Variants in SERGEF observed in about 807,000 individuals in gnomAD.
SERGEF encodes the protein secretion-regulating guanine nucleotide exchange factor.
In SERGEF, 51 loss-of-function variants were observed where a neutral mutation model predicts 50.0. That is an observed-to-expected ratio of 1.02 (90% CI 0.81 to 1.29). The LOEUF is 1.29. Among genes scored for constraint, SERGEF ranks in the 50% most tolerant of loss-of-function variants. The pLI, the probability that SERGEF is intolerant of heterozygous loss-of-function variation, is 0.00. For missense variants in SERGEF, 521 were observed against 557.0 expected, an observed-to-expected ratio of 0.94 and a Z score of 0.65; for synonymous variants, 205 against 212.4, an observed-to-expected ratio of 0.97 and a Z score of 0.30.
chr11:17,806,927 AG>A, intron 10 of SERGEF, among the ~76,000 whole-genome samples: 1 of 152,162 alleles, frequency 6.6e-6, no homozygotes, highest in Non-Finnish European at 1.5e-5. Context: ...CCCCTGAGCC[AG>A]GACTTTGTTC....
At chr11:17,810,118 G>A (rs1195448581) in intron 10 of SERGEF, among the ~76,000 whole-genome samples, 1 of 152,174 alleles carries the variant, frequency 6.6e-6, no homozygotes, top group Non-Finnish European at 1.5e-5. Context: ...CCCATTTAGG[G>A]AGAATGCCCT....
chr11:17,916,717 A>C (rs76751030), intron 9 of SERGEF, among the ~76,000 whole-genome samples: 1,734 of 152,356 alleles, frequency 0.011, 32 homozygotes, highest in African/African-American at 0.04. Flanking sequence ...ATAATTAATA[A>C]GACATTCCAA....
At chr11:17,824,039 T>C (rs1028478550) in intron 10 of SERGEF, among the ~76,000 whole-genome samples, 11 of 152,140 alleles carry the variant, frequency 7.2e-5, no homozygotes, top group South Asian at 4.1e-4. Context: ...CGGTGGCTCA[T>C]GCCTGTAATC....
intron 10 of SERGEF, among the ~76,000 whole-genome samples, chr11:17,807,683 C>G (rs1330554461): frequency 6.6e-6 from 1 of 152,216 alleles, no homozygotes; most frequent in Admixed American, 6.5e-5. Context: ...ACTGATTACC[C>G]TAATTCCACG....
rs562239256 is a variant in SERGEF at position 17,801,210 on chromosome 11, A to G, written c.1049-12797T>C. 9.7e-4 allele frequency among the ~76,000 whole-genome samples: 143 copies of G among 147,542 alleles called. 1 individual carries two copies. The highest frequency in any genetic ancestry group is 3.0e-3 in the Admixed American group (44 of 14,718). The stretch of plus-strand genomic sequence containing the variant: ...ACTCCGTCTCAAAAAAAAAAAAAAG[A>G]AAGAAAAAAAAATTCAAGGGGAAGC... On this transcript the variant is annotated intron_variant, in intron 10 of 10. Transcript: ENST00000265965.
At chr11:17,820,379 A>G (rs1242809710) in intron 10 of SERGEF, among the ~76,000 whole-genome samples, 3 of 152,034 alleles carry the variant, frequency 2.0e-5, no homozygotes, top group Admixed American at 2.0e-4. Context: ...AACCCCCTCA[A>G]CTGGACACTT....
intron 10 of SERGEF, among the ~76,000 whole-genome samples, chr11:17,794,434 C>T (rs914873356): frequency 2.0e-4 from 31 of 152,158 alleles, no homozygotes; most frequent in Non-Finnish European, 1.2e-4. Flanking sequence ...GGTACTACTA[C>T]GTCCATTTTA....
chr11:17,868,874 C>T (rs902882556), intron 10 of SERGEF, among the ~76,000 whole-genome samples: 1 of 152,144 alleles, frequency 6.6e-6, no homozygotes, highest in African/African-American at 2.4e-5. Flanking sequence ...ATCATGAGAA[C>T]AGCATGAGAA....
chr11:17,980,939 G>A (rs1853484106), intron 8 of SERGEF, among the ~76,000 whole-genome samples: 1 of 152,184 alleles, frequency 6.6e-6, no homozygotes, highest in Non-Finnish European at 1.5e-5. Context: ...TTGGCCAGAT[G>A]GAAGAAAGGG....
intron 10 of SERGEF, 53 bp from the exon 11 acceptor site, chr11:17,788,466 A>C: frequency 6.9e-7 from 1 of 1,457,222 alleles, no homozygotes; most frequent in Non-Finnish European, 9.4e-7. Context: ...AATAGGGCTG[A>C]AACATTCACC....
At chr11:17,837,708 G>A (rs1590146424) in intron 10 of SERGEF, among the ~76,000 whole-genome samples, 1 of 150,000 alleles carries the variant, frequency 6.7e-6, no homozygotes, top group East Asian at 2.0e-4. Context: ...GCCCAAGCTG[G>A]AGTACAGTGT....
chr11:17,788,502 C>A, intron 10 of SERGEF, 89 bp from the exon 11 acceptor site: 2 of 1,109,812 alleles, frequency 1.8e-6, no homozygotes, highest in Non-Finnish European at 2.5e-6. Context: ...TCATCATAAA[C>A]CCCAGTTCAC....
intron 9 of SERGEF, among the ~76,000 whole-genome samples, chr11:17,908,713 C>G (rs1300130025): frequency 6.6e-6 from 1 of 152,168 alleles, no homozygotes; most frequent in Non-Finnish European, 1.5e-5. Flanking sequence ...GAAACCAAGC[C>G]TACCTGATAG....
At chr11:17,880,607 C>CT (rs1486964362) in intron 9 of SERGEF, among the ~76,000 whole-genome samples, 1 of 151,688 alleles carries the variant, frequency 6.6e-6, no homozygotes, top group Admixed American at 6.6e-5. Flanking sequence ...TTTTCTTTTT[C>CT]TTTTTTTCTA....
At chr11:17,900,157 A>G (rs1327834069) in intron 9 of SERGEF, among the ~76,000 whole-genome samples, 1 of 152,180 alleles carries the variant, frequency 6.6e-6, no homozygotes, top group Non-Finnish European at 1.5e-5. Flanking sequence ...CTAATAGTGC[A>G]GGGTCTAGAA....
intron 10 of SERGEF, chr11:17,874,139 GT>G: frequency 6.6e-6 from 1 of 152,554 alleles, no homozygotes; most frequent in South Asian, 2.1e-4. Flanking sequence ...AAGGAAGAGA[GT>G]GAATCAGTGA....
intron 10 of SERGEF, among the ~76,000 whole-genome samples, chr11:17,859,054 C>G (rs1325096425): frequency 6.6e-6 from 1 of 152,106 alleles, no homozygotes; most frequent in Non-Finnish European, 1.5e-5. Context: ...GGCCATCCTC[C>G]CTAGGGATAT....
chr11:17,994,226 G>A (rs1853782221), intron 6 of SERGEF, among the ~76,000 whole-genome samples: 1 of 152,144 alleles, frequency 6.6e-6, no homozygotes, highest in East Asian at 1.9e-4. Flanking sequence ...GCTAGGTCTA[G>A]CACTTTGGGA....
At chr11:17,909,120 GT>G (rs1851903960) in intron 9 of SERGEF, among the ~76,000 whole-genome samples, 1 of 152,242 alleles carries the variant, frequency 6.6e-6, no homozygotes, top group Non-Finnish European at 1.5e-5. Context: ...AAGAGGACCG[GT>G]TTTGGAGTTA....
Sources: gnomAD v4.1 joint callset for allele counts (sites outside exome capture counted in the v4.1 genomes callset) on GRCh38, gnomAD v4.1.1 for gene constraint, MANE v1.5 for transcripts, NCBI Gene and HGNC (gene_info 2026-07-23, HGNC 2026-07-21) for gene names.